The following ABI2 variants were observed in gnomAD, a reference collection of about 807,000 sequenced individuals.
ABI2 encodes the protein abelson interactor 2.
In ABI2, 25 loss-of-function variants were observed where a neutral mutation model predicts 59.2. That is an observed-to-expected ratio of 0.42 (90% CI 0.31 to 0.59). The LOEUF (loss-of-function observed/expected upper bound fraction) is 0.59, where lower values mean the gene tolerates loss of function less well. Ranked by LOEUF, ABI2 falls within the 20% of genes least tolerant of loss-of-function variation. ABI2 has a pLI of 0.14. For missense variants in ABI2, 545 were observed against 681.8 expected (o/e 0.80, Z 2.23); for synonymous variants, 213 against 235.5 (o/e 0.90, Z 0.87).
chr2:203,392,080 T>C (rs985772029), intron 5 of ABI2, among the ~76,000 whole-genome samples: 12 of 152,180 alleles, frequency 7.9e-5, no homozygotes, highest in African/African-American at 2.7e-4. Flanking sequence ...CTGCCAAGAA[T>C]TCAGTTTTTT....
chr2:203,405,949 A>G (rs1255665553), intron 9 of ABI2, among the ~76,000 whole-genome samples: 1 of 152,240 alleles, frequency 6.6e-6, no homozygotes, highest in African/African-American at 2.4e-5. Context: ...TTAGGAGCAC[A>G]ATAATTGTTT....
At chr2:203,409,706 G>T (rs1431475174) in intron 9 of ABI2, among the ~76,000 whole-genome samples, 1 of 152,178 alleles carries the variant, frequency 6.6e-6, no homozygotes, top group East Asian at 1.9e-4. Flanking sequence ...TTACGTGCCA[G>T]CCACTGGGTT....
intron 1 of ABI2, among the ~76,000 whole-genome samples, chr2:203,356,930 CTT>C (rs1314548201): frequency 7.9e-5 from 12 of 151,480 alleles, no homozygotes; most frequent in Non-Finnish European, 1.5e-4. Flanking sequence ...TTGTTCCTGT[CTT>C]TTTTGTGGGG....
At chr2:203,364,955 A>G (rs2094193498) in intron 1 of ABI2, among the ~76,000 whole-genome samples, 2 of 151,800 alleles carry the variant, frequency 1.3e-5, no homozygotes, top group African/African-American at 4.8e-5. Flanking sequence ...GCTGGTCTTG[A>G]ACTCCTGTCT....
intron 1 of ABI2, among the ~76,000 whole-genome samples, chr2:203,353,897 A>C (rs1197959909): frequency 6.6e-6 from 1 of 152,140 alleles, no homozygotes; most frequent in African/African-American, 2.4e-5. Context: ...AGACATTTTT[A>C]CTATGAGATA....
intron 4 of ABI2, among the ~76,000 whole-genome samples, chr2:203,388,329 CCAAA>C (rs1346288502): frequency 1.3e-5 from 2 of 152,108 alleles, no homozygotes; most frequent in Non-Finnish European, 2.9e-5. Flanking sequence ...ATCCCATTAA[CCAAA>C]CAAATATACA....
chr2:203,348,463 G>A (rs2085176701), intron 1 of ABI2, among the ~76,000 whole-genome samples: 2 of 152,112 alleles, frequency 1.3e-5, no homozygotes, highest in Admixed American at 1.3e-4. Context: ...TACATGTGCA[G>A]CTATGAAAGA....
rs554674494 is a variant in ABI2, at chr2:203,429,313, C to G, written c.*1961C>G. The G allele has an allele frequency of 1.9e-4, 29 of 152,322 alleles. No individual in the cohort carries two copies. Among genetic ancestry groups the G allele is most frequent in the African/African-American group, 7.0e-4 (29 of 41,576 alleles). 9.4% of individuals were successfully genotyped at this position (152,322 alleles called of 1,614,324 possible). A position where few individuals can be genotyped will look rare whatever the true frequency, so the allele number is the denominator to read the frequency against. ...AGCTCCATTATGGACCCAAACTAGA[C>G]TATACTTGGATAAGTTAAGCTCTTC... On this transcript the variant is annotated 3_prime_UTR_variant, in exon 12 of 12. Coordinates refer to ENST00000261018, the MANE Select transcript of ABI2 (RefSeq NM_001375670.1).
intron 2 of ABI2, among the ~76,000 whole-genome samples, chr2:203,374,353 A>G (rs2095531054): frequency 6.6e-6 from 1 of 152,018 alleles, no homozygotes; most frequent in Non-Finnish European, 1.5e-5. Context: ...TACAAAAATT[A>G]GCTGGGTGTG....
At chr2:203,424,072 G>C (rs1372930038) in intron 11 of ABI2, among the ~76,000 whole-genome samples, 3 of 152,116 alleles carry the variant, frequency 2.0e-5, no homozygotes, top group African/African-American at 2.4e-5. Context: ...ATATGATTTT[G>C]ATACTATGCG....
intron 1 of ABI2, among the ~76,000 whole-genome samples, chr2:203,340,012 A>G (rs949465643): frequency 2.0e-5 from 3 of 152,222 alleles, no homozygotes; most frequent in East Asian, 1.9e-4. Flanking sequence ...TAAAGGGTCA[A>G]CTGCATATGT....
intron 1 of ABI2, among the ~76,000 whole-genome samples, chr2:203,361,026 A>G (rs1350204284): frequency 6.6e-6 from 1 of 152,258 alleles, no homozygotes; most frequent in Non-Finnish European, 1.5e-5. Context: ...CTAGCTCCAC[A>G]GGTGTGGCTG....
intron 4 of ABI2, among the ~76,000 whole-genome samples, chr2:203,383,026 A>G (rs190140310): frequency 6.6e-6 from 1 of 152,362 alleles, no homozygotes. Context: ...CCTAAAATAC[A>G]AGGTTACTAC....
chr2:203,386,494 T>C, intron 4 of ABI2: 1 of 330,116 alleles, frequency 3.0e-6, no homozygotes, highest in Non-Finnish European at 4.2e-6. Context: ...CAGTCTGGAA[T>C]CCTGTTCTTT....
At chr2:203,388,141 A>C (rs924875994) in intron 4 of ABI2, among the ~76,000 whole-genome samples, 3 of 152,080 alleles carry the variant, frequency 2.0e-5, no homozygotes, top group African/African-American at 4.8e-5. Flanking sequence ...TATATTCTGC[A>C]TAGCATATTT....
chr2:203,417,047 C>A lies in ABI2; in HGVS notation c.1419C>A (p.Asp473Glu). 6.2e-7 allele frequency: 1 copy of A among 1,613,348 alleles called. No homozygotes were observed. Among genetic ancestry groups the A allele is most frequent in the Non-Finnish European group, 8.5e-7 (1 of 1,179,682 alleles). The change falls in exon 11 of 12, where the codon GAC becomes GAA. Residue 473 changes from aspartate to glutamate, a missense_variant. Asp to Glu is a conservative substitution (Grantham distance 45, BLOSUM62 2). Coordinates refer to ENST00000261018, the MANE Select transcript of ABI2 (RefSeq NM_001375670.1). ...VEYSDPYAEE[D>E]PPWAPRSYLE... Reference sequence around the variant, plus strand: ...ATAGTGATCCTTATGCTGAAGAGGACCCACCGTGGGCTCCACGTTCTTACT... The same window carrying A: ...ATAGTGATCCTTATGCTGAAGAGGAACCACCGTGGGCTCCACGTTCTTACT...
chr2:203,402,184 G>A (rs1489418605), intron 8 of ABI2, among the ~76,000 whole-genome samples: 3 of 152,148 alleles, frequency 2.0e-5, no homozygotes, highest in Admixed American at 6.5e-5. Context: ...ACAGGCGCAC[G>A]CCACCATACC....
At chr2:203,363,500 TCTACCTCCTCCTGTC>T (rs1187988296) in intron 1 of ABI2, among the ~76,000 whole-genome samples, 1 of 150,026 alleles carries the variant, frequency 6.7e-6, no homozygotes. Context: ...TATCTTTCCC[TCTACCTCCTCCTGTC>T]CTACCTCCCC....
At chr2:203,369,401 G>A (rs1302240888) in intron 2 of ABI2, among the ~76,000 whole-genome samples, 1 of 152,088 alleles carries the variant, frequency 6.6e-6, no homozygotes, top group Non-Finnish European at 1.5e-5. Flanking sequence ...AAATAGCAAT[G>A]AAGGATAATA....
Sources: gnomAD v4.1 joint callset for allele counts (sites outside exome capture counted in the v4.1 genomes callset) on GRCh38, gnomAD v4.1.1 for gene constraint, MANE v1.5 for transcripts, NCBI Gene and HGNC (gene_info 2026-07-23, HGNC 2026-07-21) for gene names.